The following ABR variants were observed in gnomAD, a reference collection of about 807,000 sequenced individuals.
The protein encoded by ABR is ABR activator of RhoGEF and GTPase.
In ABR, 35 loss-of-function variants were observed where a neutral mutation model predicts 107.2. That is an observed-to-expected ratio of 0.33 (90% CI 0.25 to 0.43). The LOEUF is 0.43. ABR is among the 20% of genes least tolerant of loss of function. The pLI is 1.00. For synonymous variants in ABR, 498 were observed against 462.0 expected (o/e 1.08, Z -1.00); for missense variants, 815 against 1,115.2 (o/e 0.73, Z 3.83).
chr17:1,048,067 C>T (rs1218399267), intron 16 of ABR, among the ~76,000 whole-genome samples: 5 of 152,294 alleles, frequency 3.3e-5, no homozygotes, highest in East Asian at 1.9e-4. Context: ...AGAACCCTTC[C>T]GTGCCTGTCC....
intron 1 of ABR, among the ~76,000 whole-genome samples, chr17:1,214,233 C>A (rs186597158): frequency 6.6e-6 from 1 of 151,804 alleles, no homozygotes; most frequent in East Asian, 1.9e-4. Flanking sequence ...CCCCCCACCA[C>A]CACCTTAAAC....
chr17:1,108,702 C>T (rs2038428080), intron 2 of ABR, among the ~76,000 whole-genome samples: 1 of 152,294 alleles, frequency 6.6e-6, no homozygotes, highest in South Asian at 2.1e-4. Context: ...GCACAGCCGC[C>T]GGAGCCCTGA....
At chr17:1,026,100 C>A (rs1267177833) in intron 16 of ABR, among the ~76,000 whole-genome samples, 2 of 152,240 alleles carry the variant, frequency 1.3e-5, no homozygotes, top group Non-Finnish European at 2.9e-5. Context: ...GACTAGGAAT[C>A]TTGAGACATG....
chr17:1,220,288 C>T (rs2043095551), intron 1 of ABR, among the ~76,000 whole-genome samples: 1 of 129,760 alleles, frequency 7.7e-6, no homozygotes, highest in South Asian at 2.3e-4. Context: ...GAGACTCCGT[C>T]TAAAAAAAAA....
At chr17:1,170,475 C>T (rs558913819) in intron 1 of ABR, among the ~76,000 whole-genome samples, 4 of 152,076 alleles carry the variant, frequency 2.6e-5, no homozygotes, top group Non-Finnish European at 5.9e-5. Context: ...CTCATTCTGT[C>T]GCCCAGGCTG....
chr17:1,137,802 G>T (rs573344136), intron 1 of ABR, among the ~76,000 whole-genome samples: 1 of 152,078 alleles, frequency 6.6e-6, no homozygotes, highest in East Asian at 1.9e-4. Context: ...AGGTACGCCC[G>T]CATCACAGGA....
chr17:1,058,433 C>T (rs1438630336), intron 11 of ABR, among the ~76,000 whole-genome samples: 2 of 152,218 alleles, frequency 1.3e-5, no homozygotes, highest in East Asian at 1.9e-4. Flanking sequence ...AGCCACTGTG[C>T]CCGGCCCAAA....
In ABR at chr17:1,179,196, A is replaced by G. The variant is rs34850632; in HGVS notation, c.61+471T>C. The stretch of plus-strand genomic sequence containing the variant: ...ACCCCTGGGCCCTGAACCACACATG[A>G]CCCGGTGCCCCTGGGGTGGCAAACT... On this transcript the variant is annotated intron_variant, in intron 1 of 22. Transcript: ENST00000302538. The surrounding 1 kb of genome is among the most constrained non-coding windows in gnomAD (Gnocchi z 4.9). 1.3e-5 allele frequency among the ~76,000 whole-genome samples: 2 copies of G among 150,812 alleles called. No individual in the cohort carries two copies. Among genetic ancestry groups the G allele is most frequent in the Non-Finnish European group, 3.0e-5 (2 of 67,624 alleles).
At chr17:1,108,056 G>A (rs1040582195) in intron 2 of ABR, among the ~76,000 whole-genome samples, 3 of 152,136 alleles carry the variant, frequency 2.0e-5, no homozygotes, top group African/African-American at 7.3e-5. Flanking sequence ...CCCGCCGATG[G>A]GCACTCGGTT....
At chr17:1,141,152 G>T (rs1261037158) in intron 1 of ABR, among the ~76,000 whole-genome samples, 7 of 152,182 alleles carry the variant, frequency 4.6e-5, no homozygotes, top group Non-Finnish European at 7.3e-5. Context: ...TCAGGGTCCA[G>T]GTGACCCCAG....
chr17:1,131,032 G>A lies in ABR; in HGVS notation c.62-5665C>T, dbSNP rs184691813. On this transcript the variant is annotated intron_variant, in intron 1 of 22. Coordinates refer to ENST00000302538, the MANE Select transcript of ABR (RefSeq NM_021962.5). ...AAGCCACAAATGCAGCGCCTGACAC[G>A]CACACAGCTCTCCCCTTTGCACACC... Among the ~76,000 whole-genome samples, 154 of 149,054 alleles carry A rather than the reference G, an allele frequency of 1.0e-3. 1 individual carries two copies. The highest frequency in any genetic ancestry group is 3.6e-3 in the African/African-American group (139 of 38,506).
Position 1,050,549 on chromosome 17 carries a change from G to A in ABR, c.1647C>T (p.Pro549=), listed in dbSNP as rs1372413749. 3 of 1,613,784 alleles carry A rather than the reference G, an allele frequency of 1.9e-6. No individual in the cohort carries two copies. The African/African-American group carries it at 4.0e-5, about 22-fold the overall frequency. The change falls in exon 15 of 23, where the codon CCC becomes CCT. Residue 549 remains proline (P), a synonymous_variant. Transcript: ENST00000302538. This position sits in a 1 kb window ranked among gnomAD's most constrained non-coding sequence, Gnocchi z 4.6. ...CCCTGCCACTCACCTCATCCCACTT[G>A]GGCTCCGCTGTGTCCCGGAACACCC... The part of the protein sequence containing the change: ...KTRVFRDTAE[P]KWDEEFEIEL...
chr17:1,018,050 T>G (rs2071299673), intron 16 of ABR, among the ~76,000 whole-genome samples: 1 of 151,748 alleles, frequency 6.6e-6, no homozygotes, highest in African/African-American at 2.4e-5. Flanking sequence ...TTTATTTATT[T>G]ATTTATTTTT....
intron 16 of ABR, among the ~76,000 whole-genome samples, chr17:1,044,205 G>GT (rs1390824619): frequency 2.0e-5 from 3 of 151,952 alleles, no homozygotes; most frequent in Admixed American, 1.3e-4. Flanking sequence ...GTGGAGGGGG[G>GT]GCTCCCAGCT....
intron 1 of ABR, chr17:1,228,328 T>C (rs2043261399): frequency 2.0e-5 from 3 of 152,544 alleles, no homozygotes. Flanking sequence ...GTTCAGAAAA[T>C]GGAGTGGAAG....
chr17:1,110,073 C>T (rs1225188793), intron 2 of ABR, among the ~76,000 whole-genome samples: 2 of 151,202 alleles, frequency 1.3e-5, no homozygotes, highest in East Asian at 2.0e-4. Flanking sequence ...CCCAGCCACC[C>T]CACCGCAGGG....
rs2042060795 is a variant in ABR at position 1,179,817 on chromosome 17, T to C, written c.-90A>G. The C allele has an allele frequency of 4.6e-6, 6 of 1,303,706 alleles. No individual in the cohort carries two copies. The highest frequency in any genetic ancestry group is 6.0e-6 in the Non-Finnish European group (6 of 1,002,692). The allele number at this position is 1,303,706 out of a possible 1,614,324, so 80.8% of individuals were successfully genotyped here. On this transcript the variant is annotated 5_prime_UTR_variant, in exon 1 of 23. Transcript: ENST00000302538. This position sits in a 1 kb window ranked among gnomAD's most constrained non-coding sequence, Gnocchi z 4.9. ...GGGCGGGAGCCGGGGGAGGCCGAAG[T>C]TGCGAGCGCGGAGGGGCGAGGAGGC...
intron 1 of ABR, among the ~76,000 whole-genome samples, chr17:1,132,710 T>C (rs1284976111): frequency 6.6e-6 from 1 of 152,120 alleles, no homozygotes; most frequent in Non-Finnish European, 1.5e-5. Context: ...TGAGAAAAGA[T>C]GAAAACCTCA....
At position 1,012,807 on chromosome 17, in the gene ABR, G is replaced by C. The variant is rs766236273; in HGVS notation, c.1852-10C>G. On this transcript the variant is annotated splice_polypyrimidine_tract_variant and intron_variant, in intron 17 of 22. Transcript: ENST00000302538. ...AAAATTCCACTTTGATCTGGTTGGG[G>C]GGTGAGGCAGGTAAAGATTCCCCAG... is the stretch of plus-strand genomic sequence containing the variant. The C allele has an allele frequency of 1.7e-4, 259 of 1,561,738 alleles. 1 individual carries two copies. Among genetic ancestry groups the C allele is most frequent in the East Asian group, 2.3e-5 (1 of 42,856 alleles).
Sources: allele counts gnomAD v4.1 joint callset (sites outside exome capture counted in the v4.1 genomes callset), GRCh38; gene constraint gnomAD v4.1.1; non-coding constraint Gnocchi (gnomAD v3.1); transcripts MANE v1.5; gene names NCBI Gene and HGNC (gene_info 2026-07-23, HGNC 2026-07-21).